The following DLGAP2 variants were observed in gnomAD, a reference collection of about 807,000 sequenced individuals.
The protein encoded by DLGAP2 is DLG associated protein 2, also known as disks large-associated protein 2.
A neutral mutation model predicts 100.3 loss-of-function variants in DLGAP2; 26 were observed. The ratio of observed to expected loss-of-function variants is 0.26; its 90% CI spans 0.19 to 0.36. DLGAP2 has a LOEUF of 0.36. Ranked by LOEUF, DLGAP2 falls within the 10% of genes least tolerant of loss-of-function variation. The pLI is 1.00. For synonymous variants in DLGAP2, 886 were observed against 630.1 expected, an observed-to-expected ratio of 1.41 and a Z score of -6.08; for missense variants, 1,858 against 1,453.2, an observed-to-expected ratio of 1.28 and a Z score of -4.53.
chr8:792,749 C>T (rs1795943873), intron 1 of DLGAP2, among the ~76,000 whole-genome samples: 1 of 152,254 alleles, frequency 6.6e-6, no homozygotes, highest in East Asian at 1.9e-4. Flanking sequence ...GGAGTTCCCC[C>T]ATTTTGTAAG....
At chr8:1,561,766 G>A (rs865913301) in intron 5 of DLGAP2, among the ~76,000 whole-genome samples, 10 of 105,988 alleles carry the variant, frequency 9.4e-5, no homozygotes, top group Non-Finnish European at 1.3e-4. Context: ...TGGGGTGTCC[G>A]CGCCTCGTTA....
chr8:1,279,615 A>C (rs1356812338), intron 3 of DLGAP2, among the ~76,000 whole-genome samples: 8 of 152,326 alleles, frequency 5.3e-5, no homozygotes, highest in Admixed American at 5.2e-4. Flanking sequence ...GGGTCTGGGA[A>C]TGGCGTAGCT....
At chr8:1,165,134 G>A (rs1796989280) in intron 2 of DLGAP2, among the ~76,000 whole-genome samples, 1 of 142,094 alleles carries the variant, frequency 7.0e-6, no homozygotes, top group African/African-American at 2.5e-5. Context: ...GATAGAGAGA[G>A]AGGAAGACAG....
At chr8:943,785 A>G (rs1388137597) in intron 2 of DLGAP2, among the ~76,000 whole-genome samples, 2 of 152,284 alleles carry the variant, frequency 1.3e-5, no homozygotes, top group African/African-American at 4.8e-5. Flanking sequence ...CTGGTAGTAA[A>G]TTTTGATCTA....
intron 2 of DLGAP2, among the ~76,000 whole-genome samples, chr8:986,972 G>C (rs1800505700): frequency 1.3e-5 from 2 of 152,134 alleles, no homozygotes; most frequent in African/African-American, 4.8e-5. Context: ...TTGATTTTTA[G>C]TAATGTGGTA....
At chr8:1,127,116 C>A (rs1682443662) in intron 2 of DLGAP2, among the ~76,000 whole-genome samples, 1 of 148,318 alleles carries the variant, frequency 6.7e-6, no homozygotes, top group Non-Finnish European at 1.5e-5. Flanking sequence ...TTAAACGGTC[C>A]TTCTGCTTGT....
chr8:1,679,537 A>G (rs1798893742), intron 12 of DLGAP2, among the ~76,000 whole-genome samples: 1 of 152,132 alleles, frequency 6.6e-6, no homozygotes, highest in Non-Finnish European at 1.5e-5. Context: ...CCTGGGTGGA[A>G]TGGGAGGGCC....
intron 1 of DLGAP2, among the ~76,000 whole-genome samples, chr8:882,547 C>T (rs1308347746): frequency 2.5e-5 from 1 of 39,940 alleles, no homozygotes; most frequent in Non-Finnish European, 4.6e-5. Flanking sequence ...TCCAGCGGTA[C>T]CTCTCCCTGC....
intron 3 of DLGAP2, among the ~76,000 whole-genome samples, chr8:1,265,762 G>T (rs764275499): frequency 4.6e-5 from 7 of 152,190 alleles, no homozygotes; most frequent in Non-Finnish European, 7.3e-5. Context: ...GATGCCAGAT[G>T]ATGTTGGAAT....
At chr8:1,116,189 C>G (rs1035137237) in intron 2 of DLGAP2, among the ~76,000 whole-genome samples, 4 of 152,230 alleles carry the variant, frequency 2.6e-5, no homozygotes, top group African/African-American at 9.6e-5. Flanking sequence ...GACACCCGCA[C>G]TGGCCTTCCG....
intron 6 of DLGAP2, among the ~76,000 whole-genome samples, chr8:1,606,134 G>A (rs1563252203): frequency 6.6e-6 from 1 of 152,158 alleles, no homozygotes. Flanking sequence ...ACGAACTGAA[G>A]GTACCAGTGG....
At position 819,753 on chromosome 8, in the gene DLGAP2, A is replaced by G. The variant is rs1016482224; in HGVS notation, c.18+81928A>G. ...GGAATGTGTAAGATTTATAGGAAAA[A>G]CAATGAAACACCTGGGAGGTACGTA... On this transcript the variant is annotated intron_variant, in intron 1 of 14. Coordinates refer to ENST00000637795, the MANE Select transcript of DLGAP2 (RefSeq NM_001346810.2). 6.6e-5 allele frequency among the ~76,000 whole-genome samples: 10 copies of G among 152,328 alleles called. No homozygotes were observed. In the East Asian group the frequency reaches 1.5e-3, roughly 23 times the overall value.
At chr8:1,455,388 C>T (rs1798282262) in intron 3 of DLGAP2, among the ~76,000 whole-genome samples, 1 of 152,224 alleles carries the variant, frequency 6.6e-6, no homozygotes, top group Non-Finnish European at 1.5e-5. Context: ...GTCCCCCTGC[C>T]CCTCGGGGTC....
Position 1,408,866 on chromosome 8 carries a change from AG to A in DLGAP2, c.107-92499del, listed in dbSNP as rs532220924. Among the ~76,000 whole-genome samples, 18 of 152,284 alleles carry A rather than the reference AG, an allele frequency of 1.2e-4. 1 individual carries two copies. In the South Asian group the frequency reaches 3.5e-3, roughly 30 times the overall value. On this transcript the variant is annotated intron_variant, in intron 3 of 14. Coordinates refer to ENST00000637795, the MANE Select transcript of DLGAP2 (RefSeq NM_001346810.2). ...CATTAAGGTGCGCAGGGCACAGAGA[AG>A]AAAGCTGGGCAGTGGTGGTCCATGA...
Position 1,561,732 on chromosome 8 carries a change from C to T in DLGAP2, c.1231-3951C>T, listed in dbSNP as rs185366889. 8.4e-3 allele frequency among the ~76,000 whole-genome samples: 1,188 copies of T among 140,810 alleles called. 29 individuals are homozygous for T. Among genetic ancestry groups the T allele is most frequent in the Admixed American group, 0.032 (456 of 14,042 alleles). The allele number at this position is 140,810 out of a possible 152,430, so 92.4% of individuals were successfully genotyped here. On this transcript the variant is annotated intron_variant, in intron 5 of 14. Coordinates refer to ENST00000637795, the MANE Select transcript of DLGAP2 (RefSeq NM_001346810.2). Reference sequence around the variant, plus strand: ...GTGTGGTGTTGGGGTGTCCGCGCCTCGTTTCTGGGGGACTGTGTGGTGTTG... The same window carrying T: ...GTGTGGTGTTGGGGTGTCCGCGCCTTGTTTCTGGGGGACTGTGTGGTGTTG...
chr8:1,098,872 C>T (rs909747119), intron 2 of DLGAP2, among the ~76,000 whole-genome samples: 1 of 152,126 alleles, frequency 6.6e-6, no homozygotes, highest in Non-Finnish European at 1.5e-5. Context: ...TAGGGCCCTT[C>T]GTCCTCACTT....
At chr8:1,049,513 G>T (rs749600912) in intron 2 of DLGAP2, among the ~76,000 whole-genome samples, 1 of 152,026 alleles carries the variant, frequency 6.6e-6, no homozygotes, top group Non-Finnish European at 1.5e-5. Flanking sequence ...AATTTATTGT[G>T]CTTTCCTTGC....
chr8:1,383,888 T>G (rs1020661710), intron 3 of DLGAP2, among the ~76,000 whole-genome samples: 6 of 152,158 alleles, frequency 3.9e-5, no homozygotes, highest in Non-Finnish European at 8.8e-5. Context: ...CAGATGTCTT[T>G]GGCGGTGGAC....
intron 1 of DLGAP2, among the ~76,000 whole-genome samples, chr8:810,868 C>T (rs1337192263): frequency 3.3e-5 from 5 of 152,192 alleles, no homozygotes; most frequent in East Asian, 3.8e-4. Flanking sequence ...TGTGTTTACA[C>T]GGAATTGCAA....
Sources: allele counts gnomAD v4.1 joint callset (sites outside exome capture counted in the v4.1 genomes callset), GRCh38; gene constraint gnomAD v4.1.1; transcripts MANE v1.5; gene names NCBI Gene and HGNC (gene_info 2026-07-23, HGNC 2026-07-21).